RTN4: variants seen among roughly 807,000 people sequenced by gnomAD.
The protein encoded by RTN4 is reticulon-4.
RTN4 carries 32 observed loss-of-function variants against 90.4 expected under a neutral mutation model. The observed-to-expected ratio is 0.35, with a 90% CI of 0.27 to 0.48. The LOEUF is 0.48. Among genes scored for constraint, RTN4 ranks in the 20% least tolerant of loss-of-function variants. The pLI is 0.99. For missense variants in RTN4, 1,706 were observed against 1,430.2 expected, an observed-to-expected ratio of 1.19 and a Z score of -3.11; for synonymous variants, 629 against 552.5, an observed-to-expected ratio of 1.14 and a Z score of -1.94.
chr2:55,117,007 G>A (rs1027459482), upstream of RTN4, among the ~76,000 whole-genome samples: 2 of 151,184 alleles, frequency 1.3e-5, no homozygotes, highest in Admixed American at 6.6e-5. Flanking sequence ...CCAAGTAGCT[G>A]GGGCTACATG....
chr2:55,102,530 A>AT (rs1553453270), intron 1 of RTN4, among the ~76,000 whole-genome samples: 29 of 151,638 alleles, frequency 1.9e-4, no homozygotes, highest in Admixed American at 5.9e-4. Flanking sequence ...TTTTCTTTTG[A>AT]TTTTTTTTTA....
intron 1 of RTN4, among the ~76,000 whole-genome samples, chr2:55,046,044 A>G (rs1313991930): frequency 6.6e-6 from 1 of 152,218 alleles, no homozygotes. Context: ...AGCAAACAGT[A>G]AAATTACAAC....
At position 55,026,961 on chromosome 2, in the gene RTN4, T is replaced by A; in HGVS notation, c.1138A>T (p.Met380Leu). Residue 380 changes from methionine (M) to leucine (L), a missense_variant, in exon 3 of 9, where the codon ATG becomes TTG. Coordinates refer to ENST00000337526, the MANE Select transcript of RTN4 (RefSeq NM_020532.5). ...NEKRVAVEAP[M>L]REEYADFKPF... ...TTGAAGTCTGCATATTCCTCCCTCA[T>A]AGGAGCTTCCACTGCAACTCTCTTT... is the stretch of plus-strand genomic sequence containing the variant. 6.2e-7 allele frequency: 1 copy of A among 1,613,538 alleles called. No homozygotes were observed. The highest frequency in any genetic ancestry group is 8.5e-7 in the Non-Finnish European group (1 of 1,179,872).
intron 1 of RTN4, among the ~76,000 whole-genome samples, chr2:55,109,581 A>G (rs2105065782): frequency 6.6e-6 from 1 of 152,268 alleles, no homozygotes; most frequent in African/African-American, 2.4e-5. Flanking sequence ...CTCACTTGCT[A>G]TGCCCCAATT....
At chr2:55,095,850 A>T (rs1340654148) in intron 1 of RTN4, among the ~76,000 whole-genome samples, 1 of 152,122 alleles carries the variant, frequency 6.6e-6, no homozygotes, top group Non-Finnish European at 1.5e-5. Context: ...TTTGGCTCTA[A>T]CAGTTTCCTA....
chr2:55,007,067 A>G (rs1489481177), intron 3 of RTN4, among the ~76,000 whole-genome samples: 2 of 152,114 alleles, frequency 1.3e-5, no homozygotes, highest in Non-Finnish European at 2.9e-5. Flanking sequence ...TCAACTTGGC[A>G]TCTTTTCTAT....
chr2:55,122,473 T>C, the RTN4 span, among the ~76,000 whole-genome samples: 7 of 152,174 alleles, frequency 4.6e-5, no homozygotes, highest in Admixed American at 1.3e-4. Flanking sequence ...AAGAACCCCA[T>C]AGTTGGTTTA....
At chr2:55,097,223 G>T (rs1667752977) in intron 1 of RTN4, among the ~76,000 whole-genome samples, 1 of 150,598 alleles carries the variant, frequency 6.6e-6, no homozygotes, top group South Asian at 2.1e-4. Context: ...GATTGCTTGA[G>T]CCCAGGAGGT....
rs573950021 is a variant in RTN4 at position 55,050,005 on chromosome 2, G to A, written c.296C>T (p.Pro99Leu). Residue 99 changes from proline (P) to leucine (L), a missense_variant, in exon 1 of 9, where the codon CCC becomes CTC. Coordinates refer to ENST00000337526, the MANE Select transcript of RTN4 (RefSeq NM_020532.5). This position sits in a 1 kb window ranked among gnomAD's most constrained non-coding sequence, Gnocchi z 4.6. The stretch of plus-strand genomic sequence containing the variant: ...AGACGGCTGCCGCTCCGGGGCGACG[G>A]GGGGAGCGGCCGGCAGGGGTCCCCG... The part of the protein sequence containing the change: ...APRGPLPAAP[P>L]VAPERQPSWD... The A allele has an allele frequency of 5.2e-5, 72 of 1,379,976 alleles. No individual in the cohort carries two copies. In the East Asian group the frequency reaches 1.1e-3, roughly 20 times the overall value. 85.5% of individuals were successfully genotyped at this position (1,379,976 alleles called of 1,614,324 possible).
intron 1 of RTN4, among the ~76,000 whole-genome samples, chr2:55,091,171 C>T (rs1051256059): frequency 2.0e-5 from 3 of 152,136 alleles, no homozygotes; most frequent in East Asian, 1.9e-4. Context: ...GTGTATAAAT[C>T]GGACAGTATG....
chr2:54,976,919 G>A (rs1677682418), intron 5 of RTN4, among the ~76,000 whole-genome samples: 1 of 152,224 alleles, frequency 6.6e-6, no homozygotes, highest in South Asian at 2.1e-4. Flanking sequence ...TATCGAGACT[G>A]GAGGAAGGAG....
chr2:55,068,464 CA>C (rs1668432098), intron 2 of RTN4, among the ~76,000 whole-genome samples: 1 of 152,092 alleles, frequency 6.6e-6, no homozygotes, highest in Admixed American at 6.6e-5. Context: ...CTGTCATACT[CA>C]CAGTGGTGAA....
chr2:55,011,715 C>G (rs968998), intron 3 of RTN4, among the ~76,000 whole-genome samples: 51,577 of 151,760 alleles, frequency 0.34, 8,836 homozygotes, highest in South Asian at 0.49. Context: ...ACATGTAAGA[C>G]TTAAACATAG....
In RTN4 at chr2:55,057,202, T is replaced by G. The variant is rs1573487426; in HGVS notation, c.-63+23287A>C. On this transcript the variant is annotated intron_variant, in intron 2 of 3. Transcript: ENST00000427710. Reference sequence around the variant, plus strand: ...ACAACTAAATAACCATACAGTGGTATTAAATATCTGCATAGCTTAGCAAGA... The same window carrying G: ...ACAACTAAATAACCATACAGTGGTAGTAAATATCTGCATAGCTTAGCAAGA... Among the ~76,000 whole-genome samples the G allele has an allele frequency of 2.6e-5, 4 of 152,232 alleles. No individual in the cohort carries two copies. The South Asian group carries it at 8.3e-4, about 32-fold the overall frequency.
intron 2 of RTN4, among the ~76,000 whole-genome samples, chr2:55,062,437 C>T (rs1255338024): frequency 6.6e-6 from 1 of 152,220 alleles, no homozygotes; most frequent in Non-Finnish European, 1.5e-5. Flanking sequence ...CAGAGCCCCA[C>T]AGCCTGCGCG....
chr2:55,066,193 T>TTG (rs57202019), intron 2 of RTN4, among the ~76,000 whole-genome samples: 54,249 of 110,592 alleles, frequency 0.49, 10,283 homozygotes, highest in South Asian at 0.6. Flanking sequence ...GTGTGTGTGT[T>TTG]TGTGTGTGTG....
At chr2:55,076,826 C>G (rs1177862670) in intron 2 of RTN4, among the ~76,000 whole-genome samples, 6 of 152,102 alleles carry the variant, frequency 3.9e-5, no homozygotes. Flanking sequence ...CTCACAAGAT[C>G]TGATGGTTTT....
At chr2:55,119,117 G>C in the RTN4 span, among the ~76,000 whole-genome samples, 2 of 152,202 alleles carry the variant, frequency 1.3e-5, no homozygotes, top group South Asian at 4.1e-4. Flanking sequence ...TGGGAGGCTG[G>C]ATGGACTGCC....
intron 1 of RTN4, among the ~76,000 whole-genome samples, chr2:55,040,638 C>T (rs1013486879): frequency 6.6e-6 from 1 of 152,068 alleles, no homozygotes; most frequent in Non-Finnish European, 1.5e-5. Flanking sequence ...TAAATATGTC[C>T]TGTAAGGCCA....
Sources: allele counts gnomAD v4.1 joint callset (sites outside exome capture counted in the v4.1 genomes callset), GRCh38; gene constraint gnomAD v4.1.1; non-coding constraint Gnocchi (gnomAD v3.1); transcripts MANE v1.5; gene names NCBI Gene and HGNC (gene_info 2026-07-23, HGNC 2026-07-21).